Variants in GNE observed in about 807,000 individuals in gnomAD.
GNE encodes bifunctional UDP-N-acetylglucosamine 2-epimerase/N-acetylmannosamine kinase.
A neutral mutation model predicts 61.8 loss-of-function variants in GNE; 41 were observed. That is an observed-to-expected ratio of 0.66 (90% CI 0.52 to 0.86). GNE has a LOEUF of 0.86. GNE is among the 40% of genes least tolerant of loss of function. The probability of loss-of-function intolerance (pLI) is 0.00; values close to 1 mark genes in which losing one functional copy is unlikely to be tolerated. For missense variants in GNE, 608 were observed against 909.1 expected, an observed-to-expected ratio of 0.67 and a Z score of 4.26; for synonymous variants, 264 against 326.4, an observed-to-expected ratio of 0.81 and a Z score of 2.06.
chr9:36,269,125 G>A (rs1368735243), intron 1 of GNE, among the ~76,000 whole-genome samples: 128 of 130,760 alleles, frequency 9.8e-4, no homozygotes, highest in African/African-American at 2.9e-3. Context: ...GCGAGACTCC[G>A]TCTCAAAAAA....
chr9:36,252,592 G>C (rs1830150618), intron 1 of GNE, among the ~76,000 whole-genome samples: 1 of 152,036 alleles, frequency 6.6e-6, no homozygotes, highest in Admixed American at 6.6e-5. Context: ...ATGTTACCTA[G>C]AAACCTAAAA....
Position 36,249,335 on chromosome 9 carries a change from G to A in GNE, c.21C>T (p.Asn7=), listed in dbSNP as rs774610596. The part of the protein sequence containing the change: MEKNGN[N]RKLRVCVATC... ...TAGCAACACAAACCCGCAGCTTTCG[G>A]TTATTTCCATTCTTCTCCATGATTT... The change falls in exon 2 of 12, where the codon AAC becomes AAT. Residue 7 remains asparagine, a synonymous_variant. Transcript: ENST00000642385. 181 of 1,613,770 alleles carry A rather than the reference G, an allele frequency of 1.1e-4. No individual in the cohort carries two copies. Among genetic ancestry groups the A allele is most frequent in the Admixed American group, 4.5e-4 (27 of 59,986 alleles).
At chr9:36,274,175 AGCCTCAACTTC>A (rs1163317395) in intron 1 of GNE, among the ~76,000 whole-genome samples, 1 of 151,686 alleles carries the variant, frequency 6.6e-6, no homozygotes, top group Non-Finnish European at 1.5e-5. Context: ...GGCTCACTGC[AGCCTCAACTTC>A]CTAGGTTCAA....
rs1324052552 is a variant in GNE at position 36,258,232 on chromosome 9, G to GGGAGGCCTGGGGCA, written c.-43+75_-43+88dup. On this transcript the variant is annotated intron_variant, in intron 1 of 11. Coordinates refer to ENST00000642385, the MANE Select transcript of GNE (RefSeq NM_005476.7). ...GGTGGGGTGGAAAGCGGCCGGGGAGGGGAGGCCTGGGGCAGGAGGCCGGGG... is the reference window on the plus strand; with the variant it reads ...GGTGGGGTGGAAAGCGGCCGGGGAGGGGAGGCCTGGGGCAGGAGGCCTGGGGCAGGAGGCCGGGG... 4.1e-6 allele frequency: 3 copies of GGGAGGCCTGGGGCA among 740,138 alleles called. No individual in the cohort carries two copies. The African/African-American group carries it at 5.7e-5, about 14-fold the overall frequency. 45.8% of individuals were successfully genotyped at this position (740,138 alleles called of 1,614,324 possible). A position where few individuals can be genotyped will look rare whatever the true frequency, so the allele number is the denominator to read the frequency against.
chr9:36,221,056 C>A (rs534910261), intron 9 of GNE, among the ~76,000 whole-genome samples: 2 of 152,228 alleles, frequency 1.3e-5, no homozygotes, highest in Non-Finnish European at 2.9e-5. Flanking sequence ...TGTGGTGGCT[C>A]ACCCCTGTAA....
Position 36,233,904 on chromosome 9 carries a change from G to T in GNE, c.982+16C>A, listed in dbSNP as rs1236981062. ...TATAAAGCCTAGTCAGTTGAAGTATGAGCAAAGGTAAATACCTGTTTCTCT... is the reference window on the plus strand; with the variant it reads ...TATAAAGCCTAGTCAGTTGAAGTATTAGCAAAGGTAAATACCTGTTTCTCT... On this transcript the variant is annotated intron_variant, in intron 5 of 11. Coordinates refer to ENST00000642385, the MANE Select transcript of GNE (RefSeq NM_005476.7). 1 of 1,589,260 alleles carries T rather than the reference G, an allele frequency of 6.3e-7. No homozygotes were observed. Among genetic ancestry groups the T allele is most frequent in the South Asian group, 1.1e-5 (1 of 90,564 alleles).
In GNE at chr9:36,228,169, A is replaced by T. The variant is rs1219052707; in HGVS notation, c.1071-711T>A. ...TTTATCTGTCAATTAAAAGTTAAAA[A>T]CTATAAATCATAATTATACAGAACT... On this transcript the variant is annotated intron_variant, in intron 6 of 11. Transcript: ENST00000642385. 2.0e-5 allele frequency among the ~76,000 whole-genome samples: 3 copies of T among 152,026 alleles called. No individual in the cohort carries two copies. In the East Asian group the frequency reaches 5.8e-4, roughly 29 times the overall value.
chr9:36,220,331 T>C (rs962929543), intron 9 of GNE, among the ~76,000 whole-genome samples: 1 of 152,176 alleles, frequency 6.6e-6, no homozygotes, highest in African/African-American at 2.4e-5. Flanking sequence ...CAGCACACAC[T>C]GTCCATCTTT....
chr9:36,219,856 C>T lies in GNE; in HGVS notation c.1798G>A (p.Ala600Thr), dbSNP rs387906347. The T allele has an allele frequency of 1.9e-6, 3 of 1,614,008 alleles. No homozygotes were observed. The highest frequency in any genetic ancestry group is 2.5e-6 in the Non-Finnish European group (3 of 1,179,932). Reference sequence around the variant, plus strand: ...CACCAACCATCATGGAGCTTTTTTGCCTCCCTCTGCAAGGCCATTCCAGAG... The same window carrying T: ...CACCAACCATCATGGAGCTTTTTTGTCTCCCTCTGCAAGGCCATTCCAGAG... ...YASGMALQRE[A>T]KKLHDEDLLL... is the part of the protein sequence containing the mutation. The change falls in exon 10 of 12, where the codon GCA (alanine) becomes ACA (threonine). Residue 600 changes from alanine (A) to threonine (T), a missense_variant. Ala to Thr is a moderately conservative substitution (Grantham distance 58). Transcript: ENST00000642385.
At chr9:36,267,630 A>C (rs1312094399) in intron 1 of GNE, among the ~76,000 whole-genome samples, 1 of 152,160 alleles carries the variant, frequency 6.6e-6, no homozygotes, top group African/African-American at 2.4e-5. Context: ...CAGGAGGCAG[A>C]GGTTGCAGTG....
At chr9:36,247,366 C>CT (rs1322995670) in intron 2 of GNE, among the ~76,000 whole-genome samples, 1 of 151,972 alleles carries the variant, frequency 6.6e-6, no homozygotes, top group Non-Finnish European at 1.5e-5. Context: ...AACCTTTTTT[C>CT]TTTAAGAAAA....
Position 36,222,862 on chromosome 9 carries a change from A to G in GNE, c.1548T>C (p.Asn516=), listed in dbSNP as rs1828665392. 6.2e-7 allele frequency: 1 copy of G among 1,613,932 alleles called. No individual in the cohort carries two copies. The highest frequency in any genetic ancestry group is 1.1e-5 in the South Asian group (1 of 91,088). ...DTLHLPVWVD[N]DGNCAALAER... is the part of the protein sequence containing the mutation. The stretch of plus-strand genomic sequence containing the variant: ...CCGCCAGGGCAGCACAGTTGCCATC[A>G]TTGTCTACCCACACAGGGAGATGCA... Residue 516 remains asparagine (N), a synonymous_variant, in exon 9 of 12, where the codon AAT becomes AAC. Coordinates refer to ENST00000642385, the MANE Select transcript of GNE (RefSeq NM_005476.7).
intron 5 of GNE, among the ~76,000 whole-genome samples, chr9:36,231,130 AGAAGGAAG>A (rs71336432): frequency 2.0e-5 from 3 of 150,948 alleles, no homozygotes; most frequent in African/African-American, 4.9e-5. Flanking sequence ...AGACAATGAA[AGAAGGAAG>A]GAAGGAAGGA....
At chr9:36,270,040 C>T (rs1052807697) in intron 1 of GNE, among the ~76,000 whole-genome samples, 42 of 152,146 alleles carry the variant, frequency 2.8e-4, no homozygotes, top group African/African-American at 9.7e-4. Flanking sequence ...TGGCTCACTG[C>T]AGCCTCAAAA....
chr9:36,274,296 A>G (rs962250865), intron 1 of GNE, among the ~76,000 whole-genome samples: 18 of 151,752 alleles, frequency 1.2e-4, no homozygotes, highest in African/African-American at 4.1e-4. Flanking sequence ...GGGTCTCGCT[A>G]TGTTGCCCAG....
Position 36,234,132 on chromosome 9 carries a change from C to T in GNE, c.770G>A (p.Gly257Glu). ...TLVLFPNIDAGSKEMVRVMRK... is the reference protein window; with the variant it reads ...TLVLFPNIDAESKEMVRVMRK... ...CATCACTCGAACCATCTCTTTGCTC[C>T]CTATGAAAATGAAAAGAACCAATTG... The change falls in exon 5 of 12, where the codon GGG becomes GAG. Residue 257 changes from glycine (G) to glutamate (E), a missense_variant and splice_region_variant. By Grantham distance (98) the Gly-to-Glu change is moderately conservative. Transcript: ENST00000642385. The T allele has an allele frequency of 1.2e-6, 2 of 1,611,896 alleles. No homozygotes were observed. The highest frequency in any genetic ancestry group is 8.5e-7 in the Non-Finnish European group (1 of 1,178,030).
chr9:36,248,390 T>C (rs1829987593), intron 2 of GNE, among the ~76,000 whole-genome samples: 1 of 151,716 alleles, frequency 6.6e-6, no homozygotes, highest in South Asian at 2.1e-4. Context: ...TCTCAGCTCA[T>C]TGCAACCTCC....
intron 9 of GNE, 77 bp downstream of exon 9, chr9:36,222,700 T>C (rs886335913): frequency 2.0e-6 from 2 of 1,012,444 alleles, no homozygotes; most frequent in East Asian, 4.7e-5. Context: ...GGCAGAGTTG[T>C]AACCACCTGA....
At chr9:36,222,098 T>C (rs375892250) in intron 9 of GNE, among the ~76,000 whole-genome samples, 132 of 152,222 alleles carry the variant, frequency 8.7e-4, no homozygotes, top group African/African-American at 2.9e-3. Flanking sequence ...ATCCTAGTGC[T>C]GAGGGGGTTA....
Sources: gnomAD v4.1 joint callset for allele counts (sites outside exome capture counted in the v4.1 genomes callset) on GRCh38, gnomAD v4.1.1 for gene constraint, MANE v1.5 for transcripts, NCBI Gene and HGNC (gene_info 2026-07-23, HGNC 2026-07-21) for gene names.